Variants in NTM observed in about 807,000 individuals in gnomAD.
The protein encoded by NTM is IgLON family member 2.
A neutral mutation model predicts 42.1 loss-of-function variants in NTM; 13 were observed. The ratio of observed to expected loss-of-function variants is 0.31; its 90% CI spans 0.20 to 0.49. The LOEUF is 0.49. NTM is among the 20% of genes least tolerant of loss of function. The pLI, the probability that NTM is intolerant of heterozygous loss-of-function variation, is 0.99. For missense variants in NTM, 373 were observed against 452.8 expected (o/e 0.82, Z 1.60); for synonymous variants, 187 against 179.2 (o/e 1.04, Z -0.35).
At chr11:131,846,582 G>T (rs1032442408) in intron 1 of NTM, among the ~76,000 whole-genome samples, 1 of 151,840 alleles carries the variant, frequency 6.6e-6, no homozygotes, top group African/African-American at 2.4e-5. Context: ...TAAAATTATT[G>T]TTTGTATTTT....
At chr11:132,303,783 G>T (rs2094962132) in intron 4 of NTM, among the ~76,000 whole-genome samples, 1 of 151,514 alleles carries the variant, frequency 6.6e-6, no homozygotes. Context: ...AACTAGCATG[G>T]CCTGGCAGGA....
At chr11:132,107,330 A>G (rs1005066314) in intron 2 of NTM, among the ~76,000 whole-genome samples, 2 of 148,818 alleles carry the variant, frequency 1.3e-5, no homozygotes, top group Admixed American at 6.7e-5. Flanking sequence ...TTCAAGTAAA[A>G]GATTTATCCT....
chr11:132,239,804 T>C (rs187768144), intron 4 of NTM, among the ~76,000 whole-genome samples: 1 of 152,202 alleles, frequency 6.6e-6, no homozygotes, highest in Non-Finnish European at 1.5e-5. Flanking sequence ...CAATAATAAT[T>C]CTTCTTTTCA....
At chr11:132,144,116 G>T (rs776048489) in intron 2 of NTM, among the ~76,000 whole-genome samples, 37 of 152,186 alleles carry the variant, frequency 2.4e-4, no homozygotes, top group Admixed American at 2.4e-3. Flanking sequence ...TGCTGATGTT[G>T]GTGGTTTGCC....
At chr11:131,393,230 C>A (rs551805991) in intron 1 of NTM, among the ~76,000 whole-genome samples, 1 of 152,290 alleles carries the variant, frequency 6.6e-6, no homozygotes, top group African/African-American at 2.4e-5. Flanking sequence ...GAAGTGGATC[C>A]CCAGACTGGG....
chr11:131,921,347 G>C (rs940720205), intron 2 of NTM, among the ~76,000 whole-genome samples: 1 of 152,176 alleles, frequency 6.6e-6, no homozygotes, highest in Admixed American at 6.5e-5. Flanking sequence ...CAAAGGCAGA[G>C]GCTGTAGTGA....
At chr11:131,555,136 T>C (rs1488725949) in intron 1 of NTM, among the ~76,000 whole-genome samples, 2 of 152,136 alleles carry the variant, frequency 1.3e-5, no homozygotes, top group Non-Finnish European at 2.9e-5. Flanking sequence ...CACTCCAGGC[T>C]GGGCAGTGGA....
intron 1 of NTM, among the ~76,000 whole-genome samples, chr11:131,499,754 A>T (rs1565567973): frequency 6.6e-6 from 1 of 152,148 alleles, no homozygotes; most frequent in Non-Finnish European, 1.5e-5. Context: ...TCTGCATCAG[A>T]GCAAAAAAAT....
Position 132,328,290 on chromosome 11 carries a change from A to C in NTM, c.935-1863A>C, listed in dbSNP as rs549054107. Among the ~76,000 whole-genome samples the C allele has an allele frequency of 1.0e-3, 152 of 152,240 alleles. 1 individual carries two copies. The highest frequency in any genetic ancestry group is 3.5e-3 in the African/African-American group (147 of 41,552). On this transcript the variant is annotated intron_variant, in intron 7 of 8. Transcript: ENST00000683400. ...TGGGATCAAAAGGACCCTCTAGTTGACTGGAAAGGTTGAACAACTGCTACC... is the reference window on the plus strand; with the variant it reads ...TGGGATCAAAAGGACCCTCTAGTTGCCTGGAAAGGTTGAACAACTGCTACC...
At chr11:131,807,316 A>G (rs576659609) in intron 1 of NTM, among the ~76,000 whole-genome samples, 1 of 152,290 alleles carries the variant, frequency 6.6e-6, no homozygotes, top group South Asian at 2.1e-4. Context: ...TTTGAAAGCC[A>G]TTCCGGCTGC....
chr11:131,998,080 A>G (rs1565913150), intron 2 of NTM, among the ~76,000 whole-genome samples: 2 of 151,732 alleles, frequency 1.3e-5, no homozygotes, highest in Admixed American at 6.6e-5. Context: ...AAATGTACAG[A>G]CCATTTAGAC....
chr11:132,191,302 C>A (rs1284113167), intron 3 of NTM, among the ~76,000 whole-genome samples: 3 of 152,154 alleles, frequency 2.0e-5, no homozygotes, highest in Admixed American at 6.5e-5. Flanking sequence ...TCTGGGAGCA[C>A]CTCGCTCCCA....
chr11:131,581,660 C>T (rs1712166631), intron 1 of NTM, among the ~76,000 whole-genome samples: 1 of 152,150 alleles, frequency 6.6e-6, no homozygotes, highest in African/African-American at 2.4e-5. Context: ...TGGTCCATTT[C>T]AAAGTTTGGT....
chr11:131,908,414 C>T (rs954786246), intron 1 of NTM, among the ~76,000 whole-genome samples: 1 of 152,236 alleles, frequency 6.6e-6, no homozygotes, highest in South Asian at 2.1e-4. Context: ...GATGCAAAAA[C>T]TAATGCTCCT....
intron 1 of NTM, among the ~76,000 whole-genome samples, chr11:131,428,722 T>C (rs1257304337): frequency 1.3e-5 from 2 of 152,066 alleles, no homozygotes; most frequent in East Asian, 1.9e-4. Context: ...CCTGGCCTGA[T>C]AATTGAATAA....
In NTM at chr11:132,217,640, C is replaced by T. The variant is rs944071796; in HGVS notation, c.526+5493C>T. ...ACCTAACGTGAAGTGGGTACATCTG[C>T]GTGGCCTACTCTCCATACCAACAGG... On this transcript the variant is annotated intron_variant, in intron 4 of 8. Coordinates refer to ENST00000683400, the MANE Select transcript of NTM (RefSeq NM_001352005.2). Among the ~76,000 whole-genome samples the T allele has an allele frequency of 5.3e-5, 8 of 152,116 alleles. No individual in the cohort carries two copies. In the South Asian group the frequency reaches 1.2e-3, roughly 24 times the overall value.
intron 1 of NTM, among the ~76,000 whole-genome samples, chr11:131,759,314 A>G (rs1323206100): frequency 6.6e-6 from 1 of 152,200 alleles, no homozygotes; most frequent in African/African-American, 2.4e-5. Flanking sequence ...TCGTTCCAAG[A>G]GAAGTATTTC....
chr11:131,614,623 G>A (rs1440363153), intron 1 of NTM, among the ~76,000 whole-genome samples: 1 of 152,174 alleles, frequency 6.6e-6, no homozygotes, highest in Non-Finnish European at 1.5e-5. Context: ...CCAGTTTTCT[G>A]GGGCCAGCTC....
At chr11:131,458,249 G>A (rs1486632433) in intron 1 of NTM, among the ~76,000 whole-genome samples, 2 of 152,178 alleles carry the variant, frequency 1.3e-5, no homozygotes, top group Non-Finnish European at 2.9e-5. Flanking sequence ...AGTGCTGCTG[G>A]CAGGTGGAGT....
Sources: gnomAD v4.1 joint callset for allele counts (sites outside exome capture counted in the v4.1 genomes callset) on GRCh38, gnomAD v4.1.1 for gene constraint, MANE v1.5 for transcripts, NCBI Gene and HGNC (gene_info 2026-07-23, HGNC 2026-07-21) for gene names.